BRINP3: variants seen among roughly 807,000 people sequenced by gnomAD.
BRINP3 encodes the protein BMP/retinoic acid inducible neural specific 3.
BRINP3 carries 19 observed loss-of-function variants against 71.0 expected under a neutral mutation model. The observed-to-expected ratio is 0.27, with a 90% CI of 0.19 to 0.39. BRINP3 has a LOEUF of 0.39. BRINP3 is among the 10% of genes least tolerant of loss of function. The pLI is 1.00. For synonymous variants in BRINP3, 380 were observed against 337.7 expected (o/e 1.13, Z -1.37); for missense variants, 959 against 940.8 (o/e 1.02, Z -0.25).
chr1:190,255,574 G>A (rs1660586197), intron 4 of BRINP3, among the ~76,000 whole-genome samples: 3 of 152,242 alleles, frequency 2.0e-5, no homozygotes, highest in Admixed American at 6.5e-5. Context: ...TTGTGTAGAG[G>A]TGTTTATAGT....
intron 4 of BRINP3, among the ~76,000 whole-genome samples, chr1:190,248,091 C>G (rs1287373327): frequency 6.6e-6 from 1 of 151,800 alleles, no homozygotes; most frequent in Non-Finnish European, 1.5e-5. Flanking sequence ...GAATATCCTT[C>G]CTATCAACTT....
intron 2 of BRINP3, among the ~76,000 whole-genome samples, chr1:190,336,722 A>G (rs151267782): frequency 0.011 from 1,716 of 152,138 alleles, 7 homozygotes; most frequent in Middle Eastern, 0.024. Context: ...TCATTTCTTA[A>G]AGTGAATACT....
intron 1 of BRINP3, among the ~76,000 whole-genome samples, chr1:190,470,614 C>A (rs1259783171): frequency 2.0e-5 from 3 of 150,936 alleles, no homozygotes; most frequent in African/African-American, 7.3e-5. Context: ...AAAACATTGA[C>A]AAATTATGAA....
At chr1:190,099,653 A>C (rs1651521151) in intron 7 of BRINP3, among the ~76,000 whole-genome samples, 1 of 152,202 alleles carries the variant, frequency 6.6e-6, no homozygotes, top group Non-Finnish European at 1.5e-5. Context: ...AAATGAAAGA[A>C]AAACAGCTCT....
intron 6 of BRINP3, among the ~76,000 whole-genome samples, chr1:190,171,237 C>A (rs1651983112): frequency 6.6e-6 from 1 of 152,120 alleles, no homozygotes; most frequent in Non-Finnish European, 1.5e-5. Flanking sequence ...CATGCACAAG[C>A]ATATTGCTGT....
At chr1:190,399,554 T>A (rs1251572011) in intron 2 of BRINP3, among the ~76,000 whole-genome samples, 2 of 152,020 alleles carry the variant, frequency 1.3e-5, no homozygotes, top group African/African-American at 4.8e-5. Flanking sequence ...GTGTATGTAG[T>A]ACTCTCCTGT....
intron 1 of BRINP3, among the ~76,000 whole-genome samples, chr1:190,469,615 T>C (rs543598812): frequency 6.6e-6 from 1 of 151,096 alleles, no homozygotes; most frequent in East Asian, 1.9e-4. Context: ...TTTACAGGGC[T>C]GACGTTTCAA....
At chr1:190,392,674 A>G (rs1671325317) in intron 2 of BRINP3, among the ~76,000 whole-genome samples, 1 of 151,576 alleles carries the variant, frequency 6.6e-6, no homozygotes, top group Non-Finnish European at 1.5e-5. Flanking sequence ...CATTTTTTAT[A>G]TTTTGTCAGT....
At chr1:190,206,575 A>T (rs1655521456) in intron 6 of BRINP3, among the ~76,000 whole-genome samples, 1 of 152,132 alleles carries the variant, frequency 6.6e-6, no homozygotes, top group South Asian at 2.1e-4. Context: ...TCACAACTCG[A>T]TATTAATGAA....
rs183245801 is a variant in BRINP3 at position 190,187,917 on chromosome 1, A to T, written c.962-27027T>A. ...TTTTTTTTTCTATTTTTTTTGAAAA[A>T]TCTTATTGATATTTTGATAAGAATT... On this transcript the variant is annotated intron_variant, in intron 6 of 7. Coordinates refer to ENST00000367462, the MANE Select transcript of BRINP3 (RefSeq NM_199051.3). 5.2e-4 allele frequency among the ~76,000 whole-genome samples: 79 copies of T among 151,758 alleles called. No homozygotes were observed. The East Asian group carries it at 0.015, about 29-fold the overall frequency.
At position 190,205,047 on chromosome 1, in the gene BRINP3, C is replaced by T. The variant is rs574219717; in HGVS notation, c.961+21035G>A. 4.0e-5 allele frequency among the ~76,000 whole-genome samples: 6 copies of T among 151,298 alleles called. No individual in the cohort carries two copies. The East Asian group carries it at 1.2e-3, about 30-fold the overall frequency. Reference sequence around the variant, plus strand: ...ATGTAACTTCTGAGCAGAATCTTCACAAGCCAGTATGCAGTTGATATGGTT... The same window carrying T: ...ATGTAACTTCTGAGCAGAATCTTCATAAGCCAGTATGCAGTTGATATGGTT... On this transcript the variant is annotated intron_variant, in intron 6 of 7. Coordinates refer to ENST00000367462, the MANE Select transcript of BRINP3 (RefSeq NM_199051.3).
At chr1:190,348,589 T>C (rs1668173362) in intron 2 of BRINP3, among the ~76,000 whole-genome samples, 1 of 152,176 alleles carries the variant, frequency 6.6e-6, no homozygotes, top group African/African-American at 2.4e-5. Flanking sequence ...CATTGCTCTG[T>C]TAACAATGTC....
chr1:190,127,769 C>A (rs1225987819), intron 7 of BRINP3, among the ~76,000 whole-genome samples: 1 of 151,780 alleles, frequency 6.6e-6, no homozygotes. Flanking sequence ...CACCCATCAG[C>A]CTGGCTATCT....
intron 6 of BRINP3, among the ~76,000 whole-genome samples, chr1:190,193,572 A>G (rs1654230607): frequency 6.6e-6 from 1 of 152,102 alleles, no homozygotes; most frequent in South Asian, 2.1e-4. Flanking sequence ...TAGCAAACAC[A>G]TCTTTACAGA....
intron 7 of BRINP3, among the ~76,000 whole-genome samples, chr1:190,146,043 G>T (rs1655861797): frequency 6.6e-6 from 1 of 152,016 alleles, no homozygotes; most frequent in South Asian, 2.1e-4. Flanking sequence ...TGGACTTTGG[G>T]GACTTGGAGG....
intron 6 of BRINP3, among the ~76,000 whole-genome samples, chr1:190,167,183 C>G (rs1008684493): frequency 1.3e-5 from 2 of 151,984 alleles, no homozygotes; most frequent in African/African-American, 2.4e-5. Flanking sequence ...GAGCTAGAGC[C>G]TGTTTGTCTT....
At chr1:190,125,023 C>G (rs1653973426) in intron 7 of BRINP3, among the ~76,000 whole-genome samples, 1 of 151,920 alleles carries the variant, frequency 6.6e-6, no homozygotes, top group South Asian at 2.1e-4. Context: ...TTGGAGATCA[C>G]CTTGTCCAAC....
chr1:190,373,393 A>T (rs1008536398), intron 2 of BRINP3, among the ~76,000 whole-genome samples: 2 of 151,924 alleles, frequency 1.3e-5, no homozygotes, highest in Non-Finnish European at 2.9e-5. Flanking sequence ...TTGTCTAAAA[A>T]AAATAAAATA....
chr1:190,246,345 G>T (rs576019611), intron 4 of BRINP3, among the ~76,000 whole-genome samples: 2 of 151,822 alleles, frequency 1.3e-5, no homozygotes, highest in African/African-American at 4.8e-5. Flanking sequence ...AGCTTTAATT[G>T]GCATCAAGGG....
Sources: allele counts gnomAD v4.1 joint callset (sites outside exome capture counted in the v4.1 genomes callset), GRCh38; gene constraint gnomAD v4.1.1; transcripts MANE v1.5; gene names NCBI Gene and HGNC (gene_info 2026-07-23, HGNC 2026-07-21).